Variants in PLK1 observed in about 807,000 individuals in gnomAD.
PLK1 encodes the protein serine/threonine-protein kinase PLK1.
Under a neutral mutation model 56.7 loss-of-function variants are expected in PLK1, and 6 were observed. The ratio of observed to expected loss-of-function variants is 0.11; its 90% CI spans 0.06 to 0.21. The LOEUF (loss-of-function observed/expected upper bound fraction) is 0.21. Among genes scored for constraint, PLK1 ranks in the 10% least tolerant of loss-of-function variants. The probability of loss-of-function intolerance (pLI) is 1.00; values close to 1 mark genes in which losing one functional copy is unlikely to be tolerated. For synonymous variants in PLK1, 298 were observed against 325.0 expected (o/e 0.92, Z 0.89); for missense variants, 546 against 814.4 (o/e 0.67, Z 4.01).
intron 4 of PLK1, among the ~76,000 whole-genome samples, chr16:23,682,694 T>G (rs944122465): frequency 6.6e-5 from 10 of 151,074 alleles, no homozygotes; most frequent in South Asian, 4.2e-4. Flanking sequence ...GGCTTTTTTT[T>G]TTTTTTTTTG....
At position 23,679,134 on chromosome 16, in the gene PLK1, T is replaced by G; in HGVS notation, c.202T>G (p.Phe68Val). The change falls in exon 1 of 10, where the codon TTC becomes GTC. Residue 68 changes from phenylalanine to valine, a missense_variant. Phe to Val is a conservative substitution (Grantham distance 50). This residue lies in a region of PLK1 where 111 missense variants were observed against 211.8 expected (regional missense o/e 0.52). Transcript: ENST00000300093. ...FLGKGGFAKC[F>V]EISDADTKEV... ...GGGCAAGGGCGGCTTTGCCAAGTGC[T>G]TCGAGATCTCGGACGCGGACACCAA... The G allele has an allele frequency of 1.2e-6, 2 of 1,612,650 alleles. No homozygotes were observed. The highest frequency in any genetic ancestry group is 1.7e-6 in the Non-Finnish European group (2 of 1,178,936).
chr16:23,687,729 C>G (rs1223637926), intron 6 of PLK1, 105 bp downstream of exon 6: 1 of 730,258 alleles, frequency 1.4e-6, no homozygotes, highest in East Asian at 3.0e-5. Context: ...CAGGCCCTGT[C>G]TGCATAGGAC....
At position 23,688,851 on chromosome 16, in the gene PLK1, C is replaced by T. The variant is rs568344690; in HGVS notation, c.1270+106C>T. On this transcript the variant is annotated intron_variant, in intron 7 of 9. Transcript: ENST00000300093. ...AGCTCCCAGGTACTGTTCTCAGTGC[C>T]CTCCTCTCTCCATCCCAGGCCTCCC... is the stretch of plus-strand genomic sequence containing the variant. 156 of 798,444 alleles carry T rather than the reference C, an allele frequency of 2.0e-4. 3 individuals are homozygous for T. In the South Asian group the frequency reaches 2.0e-3, roughly 10 times the overall value. 49.5% of individuals were successfully genotyped at this position (798,444 alleles called of 1,614,324 possible).
At chr16:23,683,230 G>A (rs916865179) in intron 4 of PLK1, among the ~76,000 whole-genome samples, 1 of 151,938 alleles carries the variant, frequency 6.6e-6, no homozygotes, top group Non-Finnish European at 1.5e-5. Flanking sequence ...CTGACCTTGT[G>A]ATCCACCTGC....
At position 23,678,908 on chromosome 16, in the gene PLK1, A is replaced by T. The variant is rs1343198803; in HGVS notation, c.-25A>T. On this transcript the variant is annotated 5_prime_UTR_variant, in exon 1 of 10. Transcript: ENST00000300093. ...CGGTGCGGAGGCTCTGCTCGGATCG[A>T]GGTCTGCAGCGCAGCTTCGGGAGCA... 6.8e-7 allele frequency: 1 copy of T among 1,475,172 alleles called. No individual in the cohort carries two copies. Among genetic ancestry groups the T allele is most frequent in the Non-Finnish European group, 9.0e-7 (1 of 1,111,354 alleles). 91.4% of individuals were successfully genotyped at this position (1,475,172 alleles called of 1,614,324 possible).
chr16:23,682,741 A>G (rs1419768791), intron 4 of PLK1, among the ~76,000 whole-genome samples: 1 of 143,138 alleles, frequency 7.0e-6, no homozygotes, highest in African/African-American at 2.6e-5. Flanking sequence ...CATGTTGGCC[A>G]GGCTGGTCTC....
At chr16:23,683,821 C>T (rs1161216280) in intron 4 of PLK1, 49 bp from the exon 5 acceptor site, 1 of 1,430,816 alleles carries the variant, frequency 7.0e-7, no homozygotes, top group Non-Finnish European at 9.9e-7. Flanking sequence ...GTACTGTACT[C>T]CAGGTCCCCT....
chr16:23,690,110 A>C lies in PLK1; in HGVS notation c.*47A>C. ...TGGTGCCCTCCTCACTCCCACCTGC[A>C]TCTGGGGCCCATACTGGTTGGCTCC... On this transcript the variant is annotated 3_prime_UTR_variant, in exon 10 of 10. Transcript: ENST00000300093. 1 of 1,469,246 alleles carries C rather than the reference A, an allele frequency of 6.8e-7. No individual in the cohort carries two copies. The highest frequency in any genetic ancestry group is 9.4e-7 in the Non-Finnish European group (1 of 1,062,136). 91.0% of individuals were successfully genotyped at this position (1,469,246 alleles called of 1,614,324 possible).
Position 23,687,629 on chromosome 16 carries a change from G to A in PLK1, c.1192+5G>A, listed in dbSNP as rs1293664183. The A allele has an allele frequency of 6.4e-7, 1 of 1,556,380 alleles. No individual in the cohort carries two copies. Among genetic ancestry groups the A allele is most frequent in the Non-Finnish European group, 8.8e-7 (1 of 1,142,592 alleles). Reference sequence around the variant, plus strand: ...AGCGTGGGCTGGTCAGGCAAGGTGGGTACTGCGGGGCCCTGGGCGGGGCAG... The same window carrying A: ...AGCGTGGGCTGGTCAGGCAAGGTGGATACTGCGGGGCCCTGGGCGGGGCAG... On this transcript the variant is annotated splice_donor_5th_base_variant and intron_variant, in intron 6 of 9. Coordinates refer to ENST00000300093, the MANE Select transcript of PLK1 (RefSeq NM_005030.6).
At position 23,682,044 on chromosome 16, in the gene PLK1, ATCCTACCT is replaced by A. The variant is rs748061715; in HGVS notation, c.723-18_723-11del. On this transcript the variant is annotated splice_polypyrimidine_tract_variant and intron_variant, in intron 3 of 9. Coordinates refer to ENST00000300093, the MANE Select transcript of PLK1 (RefSeq NM_005030.6). ...GTTGTGGCTGGGAGACTGGTGCCAA[ATCCTACCT>A]TGTGCTTACAGGTATACCTTGTTAG... 7.1e-7 allele frequency: 1 copy of A among 1,411,802 alleles called. No homozygotes were observed. The highest frequency in any genetic ancestry group is 1.0e-6 in the Non-Finnish European group (1 of 996,570). The allele number at this position is 1,411,802 out of a possible 1,614,324, so 87.5% of individuals were successfully genotyped here.
intron 2 of PLK1, among the ~76,000 whole-genome samples, chr16:23,680,505 A>C (rs1343102160): frequency 6.6e-6 from 1 of 152,254 alleles, no homozygotes; most frequent in Non-Finnish European, 1.5e-5. Flanking sequence ...CTTCAGTAAT[A>C]CGAGGACAGC....
intron 6 of PLK1, among the ~76,000 whole-genome samples, chr16:23,687,985 T>C (rs1469095857): frequency 2.6e-5 from 4 of 152,206 alleles, no homozygotes; most frequent in Non-Finnish European, 4.4e-5. Context: ...TGGCTCACAC[T>C]GTGGCCTCCT....
At position 23,690,176 on chromosome 16, in the gene PLK1, C is replaced by A; in HGVS notation, c.*113C>A. ...GCAGTGTGCCCCCCAGCCCCGGTGGCTGGGCAGAGCTGCATCATCCTTGCA... is the reference window on the plus strand; with the variant it reads ...GCAGTGTGCCCCCCAGCCCCGGTGGATGGGCAGAGCTGCATCATCCTTGCA... On this transcript the variant is annotated 3_prime_UTR_variant, in exon 10 of 10. Coordinates refer to ENST00000300093, the MANE Select transcript of PLK1 (RefSeq NM_005030.6). 1.3e-6 allele frequency: 1 copy of A among 779,690 alleles called. No homozygotes were observed. 48.3% of individuals were successfully genotyped at this position (779,690 alleles called of 1,614,324 possible).
chr16:23,680,065 C>T lies in PLK1; in HGVS notation c.409-19C>T, dbSNP rs1034169676. On this transcript the variant is annotated intron_variant, in intron 1 of 9. Coordinates refer to ENST00000300093, the MANE Select transcript of PLK1 (RefSeq NM_005030.6). The stretch of plus-strand genomic sequence containing the variant: ...AATCCACCTCCCCATCCCTCCTGCC[C>T]TCTCCTTCCCACCCACAGTCTCTCC... The T allele has an allele frequency of 8.7e-6, 14 of 1,605,774 alleles. 1 individual carries two copies. In the African/African-American group the frequency reaches 1.6e-4, roughly 18 times the overall value.
intron 5 of PLK1, among the ~76,000 whole-genome samples, chr16:23,686,359 G>A (rs999364261): frequency 1.3e-5 from 2 of 152,060 alleles, no homozygotes; most frequent in East Asian, 1.9e-4. Flanking sequence ...TCAGTTACCC[G>A]AAGGTGGAGA....
chr16:23,681,960 A>T (rs181135519), intron 3 of PLK1, 104 bp from the exon 4 acceptor site: 9 of 693,296 alleles, frequency 1.3e-5, no homozygotes, highest in Non-Finnish European at 2.1e-5. Context: ...AGTTAGAGTG[A>T]GTGTCCAGAG....
intron 1 of PLK1, 181 bp downstream of exon 1, chr16:23,679,521 G>A: frequency 3.3e-6 from 2 of 597,200 alleles, no homozygotes; most frequent in South Asian, 4.4e-5. Flanking sequence ...CTTGGCTCTG[G>A]GAGCTGCTAG....
intron 2 of PLK1, 141 bp downstream of exon 2, chr16:23,680,393 AT>A (rs890175780): frequency 7.3e-3 from 4,084 of 559,654 alleles, no homozygotes; most frequent in South Asian, 0.01. Context: ...CCAATGCAAT[AT>A]TTTTTTTTTA....
chr16:23,689,777 C>A lies in PLK1; in HGVS notation c.1609-83C>A. 1 of 1,522,842 alleles carries A rather than the reference C, an allele frequency of 6.6e-7. No homozygotes were observed. The highest frequency in any genetic ancestry group is 9.0e-7 in the Non-Finnish European group (1 of 1,105,264). 94.3% of individuals were successfully genotyped at this position (1,522,842 alleles called of 1,614,324 possible). A position where few individuals can be genotyped will look rare whatever the true frequency, so the allele number is the denominator to read the frequency against. ...AATGTGGAGTGAGCGGCTCAGGTACCTATAACCTGTTGTGTCTTCCCTCTA... is the reference window on the plus strand; with the variant it reads ...AATGTGGAGTGAGCGGCTCAGGTACATATAACCTGTTGTGTCTTCCCTCTA... On this transcript the variant is annotated intron_variant, in intron 9 of 9. Transcript: ENST00000300093. This position sits in a 1 kb window ranked among gnomAD's most constrained non-coding sequence, Gnocchi z 4.8.
Sources: gnomAD v4.1 joint callset for allele counts (sites outside exome capture counted in the v4.1 genomes callset) on GRCh38, gnomAD v4.1.1 for gene constraint, gnomAD v4.1.1 regional missense constraint, Gnocchi (gnomAD v3.1) non-coding constraint, MANE v1.5 for transcripts, NCBI Gene and HGNC (gene_info 2026-07-23, HGNC 2026-07-21) for gene names.